Variants in BTRC observed in about 807,000 individuals in gnomAD.
BTRC encodes F-box/WD repeat-containing protein 1A.
A neutral mutation model predicts 85.5 loss-of-function variants in BTRC; 42 were observed. The ratio of observed to expected loss-of-function variants is 0.49; its 90% CI spans 0.38 to 0.64. The LOEUF is 0.64. Ranked by LOEUF, BTRC falls within the 30% of genes least tolerant of loss-of-function variation. The pLI, the probability that BTRC is intolerant of heterozygous loss-of-function variation, is 0.00. For missense variants in BTRC, 594 were observed against 743.5 expected, an observed-to-expected ratio of 0.80 and a Z score of 2.34; for synonymous variants, 255 against 263.3, an observed-to-expected ratio of 0.97 and a Z score of 0.30.
intron 1 of BTRC, among the ~76,000 whole-genome samples, chr10:101,406,147 A>C (rs1943613687): frequency 6.6e-6 from 1 of 151,018 alleles, no homozygotes; most frequent in Non-Finnish European, 1.5e-5. Context: ...CCTTTTTATA[A>C]TTATGAAATA....
intron 1 of BTRC, among the ~76,000 whole-genome samples, chr10:101,406,602 T>C (rs1174859177): frequency 1.4e-5 from 2 of 145,596 alleles, no homozygotes; most frequent in Non-Finnish European, 3.0e-5. Flanking sequence ...TGGTGTGATC[T>C]TGGCTCACTG....
chr10:101,478,469 T>TA (rs1945749198), intron 3 of BTRC, among the ~76,000 whole-genome samples: 1 of 151,928 alleles, frequency 6.6e-6, no homozygotes, highest in African/African-American at 2.4e-5. Flanking sequence ...CTGGATGGTT[T>TA]AAAATTTTTT....
At chr10:101,496,657 A>G (rs1303041476) in intron 4 of BTRC, among the ~76,000 whole-genome samples, 1 of 152,194 alleles carries the variant, frequency 6.6e-6, no homozygotes, top group African/African-American at 2.4e-5. Context: ...GTGTATTCAC[A>G]TTGTTGTCAC....
chr10:101,532,810 G>GCGCT (rs1402343996), intron 8 of BTRC, 142 bp from the exon 9 acceptor site: 1 of 676,534 alleles, frequency 1.5e-6, no homozygotes, highest in Non-Finnish European at 2.6e-6. Context: ...GCGCGCGCGC[G>GCGCT]CTTAGCTATA....
At chr10:101,497,072 G>A (rs994049899) in intron 4 of BTRC, among the ~76,000 whole-genome samples, 8 of 152,050 alleles carry the variant, frequency 5.3e-5, no homozygotes, top group African/African-American at 1.4e-4. Flanking sequence ...TGTTTAATTC[G>A]TTTGATTTTT....
intron 1 of BTRC, among the ~76,000 whole-genome samples, chr10:101,363,443 G>A (rs1043379470): frequency 2.0e-5 from 3 of 150,084 alleles, no homozygotes; most frequent in South Asian, 2.1e-4. Context: ...GGGGAAGTTC[G>A]TTTTTGTTTT....
At chr10:101,408,151 CA>C (rs1943679560) in intron 1 of BTRC, among the ~76,000 whole-genome samples, 1 of 152,186 alleles carries the variant, frequency 6.6e-6, no homozygotes, top group Non-Finnish European at 1.5e-5. Flanking sequence ...AGCCACCATT[CA>C]AGTGCTCAGT....
At chr10:101,472,275 C>CTTTTCCTCTCTTCTCTTCTCT (rs1945546510) in intron 3 of BTRC, among the ~76,000 whole-genome samples, 1 of 114,244 alleles carries the variant, frequency 8.8e-6, no homozygotes, top group Non-Finnish European at 1.9e-5. Flanking sequence ...TTTTCTTTTC[C>CTTTTCCTCTCTTCTCTTCTCT]TCTCTTCTCT....
intron 1 of BTRC, among the ~76,000 whole-genome samples, chr10:101,389,862 C>T (rs539701530): frequency 6.6e-6 from 1 of 151,954 alleles, no homozygotes; most frequent in African/African-American, 2.4e-5. Flanking sequence ...TGGGTTCAAG[C>T]GATCTGTCTA....
At chr10:101,417,118 A>G (rs1943966961) in intron 1 of BTRC, among the ~76,000 whole-genome samples, 1 of 152,190 alleles carries the variant, frequency 6.6e-6, no homozygotes, top group Non-Finnish European at 1.5e-5. Flanking sequence ...ATATAACCCA[A>G]TAACAACCAT....
At chr10:101,522,367 CAAAA>C (rs1163028567) in intron 5 of BTRC, among the ~76,000 whole-genome samples, 2 of 21,416 alleles carry the variant, frequency 9.3e-5, no homozygotes, top group African/African-American at 2.6e-4. Context: ...AAAAAAAAAA[CAAAA>C]AAAAACAAAA....
At chr10:101,358,230 T>C (rs1382712051) in intron 1 of BTRC, among the ~76,000 whole-genome samples, 1 of 152,032 alleles carries the variant, frequency 6.6e-6, no homozygotes, top group East Asian at 1.9e-4. Flanking sequence ...GCGTCTCAAG[T>C]GGCTACAGGC....
chr10:101,433,162 A>C (rs1443958898), intron 2 of BTRC, among the ~76,000 whole-genome samples: 1 of 152,162 alleles, frequency 6.6e-6, no homozygotes, highest in Admixed American at 6.5e-5. Flanking sequence ...TTCACTACAC[A>C]GGGGTCATGG....
intron 2 of BTRC, among the ~76,000 whole-genome samples, chr10:101,442,296 A>ATGTGTGTGTGTGTGTGTGTGTGTGTGTG (rs139018865): frequency 1.4e-5 from 2 of 141,984 alleles, no homozygotes; most frequent in East Asian, 4.0e-4. Flanking sequence ...CTCTGTGTGT[A>ATGTGTGTGTGTGTGTGTGTGTGTGTGTG]TGTGTGTGTG....
In BTRC at chr10:101,424,984, C is replaced by T. The variant is rs762792474; in HGVS notation, c.49-5361C>T. On this transcript the variant is annotated intron_variant, in intron 1 of 14. Coordinates refer to ENST00000370187, the MANE Select transcript of BTRC (RefSeq NM_033637.4). Reference sequence around the variant, plus strand: ...TCCCACCTTTTGTATTCCTCAGTGTCTGTTCCCTTCTTTATGTCCATGTGT... The same window carrying T: ...TCCCACCTTTTGTATTCCTCAGTGTTTGTTCCCTTCTTTATGTCCATGTGT... Among the ~76,000 whole-genome samples the T allele has an allele frequency of 5.3e-4, 80 of 152,110 alleles. 1 individual carries two copies. Among genetic ancestry groups the T allele is most frequent in the Non-Finnish European group, 2.1e-4 (14 of 68,034 alleles).
chr10:101,372,264 CTT>C (rs1201027498), intron 1 of BTRC, among the ~76,000 whole-genome samples: 2 of 141,392 alleles, frequency 1.4e-5, no homozygotes, highest in Admixed American at 7.1e-5. Context: ...TTTTCTTTTT[CTT>C]TTTTTTTTTA....
intron 4 of BTRC, among the ~76,000 whole-genome samples, chr10:101,500,024 A>G (rs953750391): frequency 2.0e-5 from 3 of 151,556 alleles, no homozygotes; most frequent in African/African-American, 4.9e-5. Flanking sequence ...TGAGCTCTTA[A>G]TAAAGTTTTG....
At chr10:101,501,181 G>C (rs185340089) in intron 4 of BTRC, among the ~76,000 whole-genome samples, 2 of 136,068 alleles carry the variant, frequency 1.5e-5, no homozygotes, top group African/African-American at 5.0e-5. Flanking sequence ...GAGTGAGACT[G>C]CGTCTCAAAA....
intron 2 of BTRC, among the ~76,000 whole-genome samples, chr10:101,430,906 ATAC>A (rs1020654889): frequency 7.9e-5 from 12 of 152,046 alleles, no homozygotes; most frequent in Non-Finnish European, 1.5e-4. Context: ...CCTGGTAATT[ATAC>A]TACTAAGTAT....
Sources: gnomAD v4.1 joint callset for allele counts (sites outside exome capture counted in the v4.1 genomes callset) on GRCh38, gnomAD v4.1.1 for gene constraint, MANE v1.5 for transcripts, NCBI Gene and HGNC (gene_info 2026-07-23, HGNC 2026-07-21) for gene names.